Variants in LMNA observed in about 807,000 individuals in gnomAD.
LMNA encodes the protein lamin A/C.
LMNA carries 20 observed loss-of-function variants against 70.4 expected under a neutral mutation model. The observed-to-expected ratio is 0.28, with a 90% CI of 0.20 to 0.41. The LOEUF (loss-of-function observed/expected upper bound fraction) is 0.41, where lower values mean the gene tolerates loss of function less well. Among genes scored for constraint, LMNA ranks in the 10% least tolerant of loss-of-function variants. The probability of loss-of-function intolerance (pLI) is 1.00; values close to 1 mark genes in which losing one functional copy is unlikely to be tolerated. For synonymous variants in LMNA, 339 were observed against 372.8 expected (o/e 0.91, Z 1.04); for missense variants, 652 against 917.2 (o/e 0.71, Z 3.73).
chr1:156,126,594 C>T (rs1650601353), intron 1 of LMNA: 2 of 881,430 alleles, frequency 2.3e-6, no homozygotes, highest in Non-Finnish European at 3.8e-6. Flanking sequence ...AGCTGGGGAG[C>T]CGGACTTCCT....
rs1391547132 is a variant in LMNA, at chr1:156,098,131, T to C, written c.-207+7549T>C. On this transcript the variant is annotated intron_variant, in intron 3 of 12. Coordinates refer to the LMNA transcript ENST00000368301. ...CAAAAGGGGTATGCCCATCTCACCC[T>C]GGGCCTTGATAGCATGCAAGAGCAT... Among the ~76,000 whole-genome samples, 3 of 152,242 alleles carry C rather than the reference T, an allele frequency of 2.0e-5. No individual in the cohort carries two copies. In the East Asian group the frequency reaches 5.8e-4, roughly 29 times the overall value.
chr1:156,095,473 GGAT>G (rs1359524754), intron 3 of LMNA, among the ~76,000 whole-genome samples: 2 of 151,492 alleles, frequency 1.3e-5, no homozygotes, highest in African/African-American at 4.9e-5. Context: ...TGAGTAGCTA[GGAT>G]TACAGGCACC....
At chr1:156,104,990 C>T (rs1649276938) in intron 3 of LMNA, among the ~76,000 whole-genome samples, 1 of 152,150 alleles carries the variant, frequency 6.6e-6, no homozygotes, top group African/African-American at 2.4e-5. Flanking sequence ...CCTGAGCGGG[C>T]CAGGGCCTGA....
chr1:156,093,497 G>T (rs923590540), intron 3 of LMNA, among the ~76,000 whole-genome samples: 3 of 150,648 alleles, frequency 2.0e-5, no homozygotes, highest in African/African-American at 7.3e-5. Flanking sequence ...TTAGAGACAG[G>T]GTTTCACCAT....
upstream of LMNA, among the ~76,000 whole-genome samples, chr1:156,114,068 AC>A (rs28365858): frequency 2.6e-5 from 4 of 151,620 alleles, no homozygotes; most frequent in Admixed American, 1.3e-4. Context: ...AAAAAAAGGG[AC>A]CCCCCAAACT....
chr1:156,131,840 C>T (rs1282412983), intron 2 of LMNA, among the ~76,000 whole-genome samples: 1 of 152,168 alleles, frequency 6.6e-6, no homozygotes, highest in East Asian at 1.9e-4. Context: ...GTGGCCTTTA[C>T]TTTCAAAACA....
chr1:156,091,334 G>C (rs1192308159), intron 3 of LMNA, among the ~76,000 whole-genome samples: 1 of 152,212 alleles, frequency 6.6e-6, no homozygotes, highest in Non-Finnish European at 1.5e-5. Context: ...CAGGTGCGGT[G>C]GCTCACCCCT....
chr1:156,107,798 T>G (rs1445768364), intron 3 of LMNA, among the ~76,000 whole-genome samples: 11 of 151,672 alleles, frequency 7.3e-5, no homozygotes, highest in Non-Finnish European at 1.0e-4. Context: ...GGTTGTTGTT[T>G]TTTTTTTCTT....
intron 3 of LMNA, among the ~76,000 whole-genome samples, chr1:156,106,224 A>G (rs1203680743): frequency 1.3e-5 from 2 of 152,180 alleles, no homozygotes; most frequent in African/African-American, 4.8e-5. Flanking sequence ...AGGCTCCACA[A>G]ACATTTGGCC....
chr1:156,126,260 C>T, intron 1 of LMNA: 1 of 1,459,218 alleles, frequency 6.9e-7, no homozygotes. Context: ...CTAAGGAGTC[C>T]CTGCAGGGCT....
chr1:156,100,420 C>A (rs941426347), intron 3 of LMNA, among the ~76,000 whole-genome samples: 2 of 152,138 alleles, frequency 1.3e-5, no homozygotes, highest in African/African-American at 4.8e-5. Context: ...TAGGGCCAAC[C>A]CCCTTTTTTA....
intron 3 of LMNA, among the ~76,000 whole-genome samples, chr1:156,105,377 C>T (rs1460625399): frequency 7.1e-6 from 1 of 140,756 alleles, no homozygotes; most frequent in Non-Finnish European, 1.5e-5. Flanking sequence ...CTTCCCCATC[C>T]CACAGGGCGG....
Position 156,134,921 on chromosome 1 carries a change from T to C in LMNA, c.756T>C (p.His252=), listed in dbSNP as rs956065720. ...CGCTGCAGGAACTGCGGGCCCAGCA[T>C]GAGGACCAGGTGGAGCAGTATAAGA... The part of the protein sequence containing the change: ...ADALQELRAQ[H]EDQVEQYKKE... The change falls in exon 4 of 12, where the codon CAT becomes CAC. Residue 252 remains histidine, a synonymous_variant. Transcript: ENST00000368300. The surrounding 1 kb of genome is among the most constrained non-coding windows in gnomAD (Gnocchi z 5.3). 1.9e-6 allele frequency: 3 copies of C among 1,614,074 alleles called. No individual in the cohort carries two copies. The African/African-American group carries it at 4.0e-5, about 22-fold the overall frequency.
chr1:156,133,216 A>G (rs1336103223), intron 2 of LMNA, among the ~76,000 whole-genome samples: 1 of 151,764 alleles, frequency 6.6e-6, no homozygotes, highest in Non-Finnish European at 1.5e-5. Context: ...CAGCCTCCCA[A>G]TGTGCTGGGA....
chr1:156,123,388 C>G (rs1480953486), intron 1 of LMNA: 1 of 152,218 alleles, frequency 6.6e-6, no homozygotes, highest in Non-Finnish European at 1.5e-5. Context: ...TGAGACCAGA[C>G]TGCCTAGGTC....
chr1:156,115,224 G>A lies in LMNA; in HGVS notation c.306G>A (p.Leu102=). The change falls in exon 1 of 12, where the codon CTG becomes CTA. Residue 102 remains leucine, a synonymous_variant. Transcript: ENST00000368300. This position sits in a 1 kb window ranked among gnomAD's most constrained non-coding sequence, Gnocchi z 5.8. ...LDSVAKERAR[L]QLELSKVREE... ...CAGTAGCCAAGGAGCGCGCCCGCCT[G>A]CAGCTGGAGCTGAGCAAAGTGCGTG... 1.9e-6 allele frequency: 3 copies of A among 1,613,216 alleles called. No homozygotes were observed.
At position 156,139,499 on chromosome 1, in the gene LMNA, T is replaced by C. The variant is rs111601180; in HGVS notation, c.*393T>C. ...GCTGCTGCCCCCACCCCGGGGACCC[T>C]GTGACATGGTGCCTGAGAGGCAGGC... On this transcript the variant is annotated 3_prime_UTR_variant, in exon 12 of 12. Coordinates refer to ENST00000368300, the MANE Select transcript of LMNA (RefSeq NM_170707.4). 8,975 of 1,330,184 alleles carry C rather than the reference T, an allele frequency of 6.7e-3. 505 individuals are homozygous for C. In the African/African-American group the frequency reaches 0.12, roughly 18 times the overall value. 82.4% of individuals were successfully genotyped at this position (1,330,184 alleles called of 1,614,324 possible).
chr1:156,139,167 C>G lies in LMNA; in HGVS notation c.*61C>G. 1 of 1,612,054 alleles carries G rather than the reference C, an allele frequency of 6.2e-7. No homozygotes were observed. Among genetic ancestry groups the G allele is most frequent in the Non-Finnish European group, 8.5e-7 (1 of 1,179,810 alleles). ...TTCCTGCGTCCTCCTCACCTCATGC[C>G]CACCCCCTGCCCTGCACGTCATGGG... On this transcript the variant is annotated 3_prime_UTR_variant, in exon 12 of 12. Coordinates refer to ENST00000368300, the MANE Select transcript of LMNA (RefSeq NM_170707.4).
At chr1:156,102,140 C>A (rs1649164908) in intron 3 of LMNA, among the ~76,000 whole-genome samples, 2 of 152,232 alleles carry the variant, frequency 1.3e-5, no homozygotes, top group African/African-American at 4.8e-5. Context: ...TTGGGGCAGG[C>A]CGGCCTTGAT....
Sources: allele counts gnomAD v4.1 joint callset (sites outside exome capture counted in the v4.1 genomes callset), GRCh38; gene constraint gnomAD v4.1.1; non-coding constraint Gnocchi (gnomAD v3.1); transcripts MANE v1.5; gene names NCBI Gene and HGNC (gene_info 2026-07-23, HGNC 2026-07-21).